Variants in PDZRN4 observed in about 807,000 individuals in gnomAD.
PDZRN4 encodes PDZ domain-containing RING finger protein 4.
Under a neutral mutation model 99.0 loss-of-function variants are expected in PDZRN4, and 70 were observed. That is an observed-to-expected ratio of 0.71 (90% CI 0.58 to 0.86). The LOEUF (loss-of-function observed/expected upper bound fraction) is 0.86, where lower values mean the gene tolerates loss of function less well. Among genes scored for constraint, PDZRN4 ranks in the 40% least tolerant of loss-of-function variants. PDZRN4 has a pLI of 0.00. For synonymous variants in PDZRN4, 551 were observed against 501.6 expected (o/e 1.10, Z -1.32); for missense variants, 1,474 against 1,331.2 (o/e 1.11, Z -1.67).
intron 3 of PDZRN4, among the ~76,000 whole-genome samples, chr12:41,294,087 A>G (rs980351199): frequency 1.3e-5 from 2 of 151,908 alleles, no homozygotes; most frequent in Non-Finnish European, 2.9e-5. Context: ...TTTTTCCTCT[A>G]TAGTTTGTTT....
chr12:41,425,586 C>G (rs556664323), intron 3 of PDZRN4, among the ~76,000 whole-genome samples: 2 of 151,884 alleles, frequency 1.3e-5, no homozygotes, highest in Non-Finnish European at 2.9e-5. Context: ...GAATAAGACA[C>G]CAAATATAAG....
At chr12:41,562,189 A>G (rs970717461) in intron 7 of PDZRN4, among the ~76,000 whole-genome samples, 2 of 152,190 alleles carry the variant, frequency 1.3e-5, no homozygotes, top group African/African-American at 4.8e-5. Flanking sequence ...GTAAGAAAAT[A>G]CAATTTGTGC....
At chr12:41,534,866 A>G (rs1938723343) in intron 5 of PDZRN4, among the ~76,000 whole-genome samples, 1 of 152,156 alleles carries the variant, frequency 6.6e-6, no homozygotes, top group Non-Finnish European at 1.5e-5. Flanking sequence ...CATCAGTTAC[A>G]CAATATTCTG....
chr12:41,415,709 G>A (rs1470452687), intron 3 of PDZRN4, among the ~76,000 whole-genome samples: 1 of 152,148 alleles, frequency 6.6e-6, no homozygotes, highest in African/African-American at 2.4e-5. Flanking sequence ...ATGAGAAATT[G>A]TGTCCAGAAG....
chr12:41,309,509 G>T (rs1951592722), intron 3 of PDZRN4, among the ~76,000 whole-genome samples: 1 of 151,954 alleles, frequency 6.6e-6, no homozygotes, highest in Non-Finnish European at 1.5e-5. Flanking sequence ...CTCTCATTAG[G>T]CCCCACCTCC....
At chr12:41,215,487 T>C (rs1239532427) in intron 3 of PDZRN4, among the ~76,000 whole-genome samples, 1 of 152,052 alleles carries the variant, frequency 6.6e-6, no homozygotes, top group Non-Finnish European at 1.5e-5. Flanking sequence ...TCACGAGTGA[T>C]ATGTTGAAAG....
intron 3 of PDZRN4, among the ~76,000 whole-genome samples, chr12:41,415,203 C>T (rs1448909150): frequency 6.6e-6 from 1 of 151,750 alleles, no homozygotes; most frequent in African/African-American, 2.4e-5. Flanking sequence ...CAGTTTTGTG[C>T]TGTTCGGTTA....
chr12:41,499,892 G>A (rs1938080650), intron 3 of PDZRN4, among the ~76,000 whole-genome samples: 1 of 152,012 alleles, frequency 6.6e-6, no homozygotes, highest in Non-Finnish European at 1.5e-5. Flanking sequence ...TCATTGGGGT[G>A]CTGGGAGTCC....
At chr12:41,403,864 A>G (rs1952322308) in intron 3 of PDZRN4, among the ~76,000 whole-genome samples, 1 of 152,202 alleles carries the variant, frequency 6.6e-6, no homozygotes, top group African/African-American at 2.4e-5. Flanking sequence ...ACCAAACAAA[A>G]TATAAACCCA....
intron 3 of PDZRN4, among the ~76,000 whole-genome samples, chr12:41,197,921 T>TTTTTG (rs1336876419): frequency 2.3e-5 from 3 of 131,200 alleles, no homozygotes; most frequent in East Asian, 5.0e-4. Flanking sequence ...TTTTTCTGGG[T>TTTTTG]TTTTTTTTTT....
chr12:41,284,626 A>C (rs1189943448), intron 3 of PDZRN4, among the ~76,000 whole-genome samples: 1 of 152,212 alleles, frequency 6.6e-6, no homozygotes, highest in African/African-American at 2.4e-5. Context: ...GGCTACAGTA[A>C]CCAAAACATC....
intron 3 of PDZRN4, among the ~76,000 whole-genome samples, chr12:41,319,749 G>A (rs951706812): frequency 2.0e-5 from 3 of 152,094 alleles, no homozygotes; most frequent in South Asian, 2.1e-4. Context: ...ATTATTAAAC[G>A]TTCCTAGAGG....
intron 5 of PDZRN4, among the ~76,000 whole-genome samples, chr12:41,513,175 C>T (rs555374272): frequency 1.3e-5 from 2 of 152,120 alleles, no homozygotes; most frequent in Admixed American, 6.6e-5. Flanking sequence ...ACTTTTAACA[C>T]ACATATTATT....
intron 5 of PDZRN4, among the ~76,000 whole-genome samples, chr12:41,519,753 G>A (rs975041032): frequency 2.6e-5 from 4 of 152,010 alleles, no homozygotes; most frequent in Admixed American, 1.3e-4. Context: ...TGAAATTTGC[G>A]TTTTACCTCT....
At chr12:41,253,993 G>C (rs1306565521) in intron 3 of PDZRN4, among the ~76,000 whole-genome samples, 1 of 150,044 alleles carries the variant, frequency 6.7e-6, no homozygotes, top group Non-Finnish European at 1.5e-5. Flanking sequence ...AGGGAAGAGG[G>C]AGAGGAGAGA....
intron 3 of PDZRN4, among the ~76,000 whole-genome samples, chr12:41,474,011 G>A (rs1592074794): frequency 1.3e-5 from 2 of 152,330 alleles, no homozygotes; most frequent in Admixed American, 6.5e-5. Flanking sequence ...AAGATACTCA[G>A]GCTGGAGAAA....
At chr12:41,452,119 A>C (rs550123430) in intron 3 of PDZRN4, among the ~76,000 whole-genome samples, 2 of 122,118 alleles carry the variant, frequency 1.6e-5, no homozygotes, top group East Asian at 3.9e-4. Flanking sequence ...TAAGAGACAA[A>C]AAAAAAAAAA....
intron 3 of PDZRN4, among the ~76,000 whole-genome samples, chr12:41,213,120 T>C (rs1366792856): frequency 6.6e-6 from 1 of 152,074 alleles, no homozygotes; most frequent in Non-Finnish European, 1.5e-5. Flanking sequence ...TCCTCCCCCA[T>C]TTATAAATCG....
At chr12:41,213,801 G>C (rs962858817) in intron 3 of PDZRN4, among the ~76,000 whole-genome samples, 1 of 151,992 alleles carries the variant, frequency 6.6e-6, no homozygotes, top group African/African-American at 2.4e-5. Context: ...ATAGCACAGA[G>C]CATTGGTTTG....
Sources: gnomAD v4.1 joint callset for allele counts (sites outside exome capture counted in the v4.1 genomes callset) on GRCh38, gnomAD v4.1.1 for gene constraint, MANE v1.5 for transcripts, NCBI Gene and HGNC (gene_info 2026-07-23, HGNC 2026-07-21) for gene names.